GCSAML: variants seen among roughly 807,000 people sequenced by gnomAD.
GCSAML encodes germinal center-associated signaling and motility-like protein.
Under a neutral mutation model 13.0 loss-of-function variants are expected in GCSAML, and 9 were observed. That is an observed-to-expected ratio of 0.69 (90% CI 0.42 to 1.21). GCSAML has a LOEUF of 1.21. Among genes scored for constraint, GCSAML ranks in the 50% most tolerant of loss-of-function variants. The pLI, the probability that GCSAML is intolerant of heterozygous loss-of-function variation, is 0.00. For missense variants in GCSAML, 143 were observed against 153.4 expected (o/e 0.93, Z 0.36); for synonymous variants, 37 against 52.9 (o/e 0.70, Z 1.31).
chr1:247,532,875 G>C (rs900779348), intron 2 of GCSAML, among the ~76,000 whole-genome samples: 1 of 6,348 alleles, frequency 1.6e-4, no homozygotes, highest in Admixed American at 2.2e-3. Flanking sequence ...AAGACTGGGT[G>C]GGGGGTGTTC....
chr1:247,508,145 T>C (rs963674835), intron 1 of GCSAML, among the ~76,000 whole-genome samples: 2 of 152,226 alleles, frequency 1.3e-5, no homozygotes, highest in Non-Finnish European at 2.9e-5. Context: ...TGTAAAAGCA[T>C]TCCTATTTCT....
At chr1:247,562,308 G>A (rs1431979337) in intron 2 of GCSAML, among the ~76,000 whole-genome samples, 1 of 152,106 alleles carries the variant, frequency 6.6e-6, no homozygotes, top group African/African-American at 2.4e-5. Flanking sequence ...AAAGTATGGC[G>A]CTGGGAGTTC....
At chr1:247,531,822 C>T in intron 2 of GCSAML, 1 of 1,614,222 alleles carries the variant, frequency 6.2e-7, no homozygotes, top group Non-Finnish European at 8.5e-7. Context: ...CTTCTGCTGA[C>T]CTGATCTTCA....
chr1:247,562,732 C>T (rs943689328), intron 2 of GCSAML, among the ~76,000 whole-genome samples: 2 of 152,162 alleles, frequency 1.3e-5, no homozygotes, highest in African/African-American at 2.4e-5. Context: ...CTGGCAACCC[C>T]ATCTCCTCCC....
chr1:247,517,730 A>T (rs1666261938), intron 1 of GCSAML, among the ~76,000 whole-genome samples: 1 of 152,168 alleles, frequency 6.6e-6, no homozygotes, highest in South Asian at 2.1e-4. Context: ...GATAACCAGC[A>T]GGCAAGTGAG....
At chr1:247,562,266 C>G (rs1668158106) in intron 2 of GCSAML, among the ~76,000 whole-genome samples, 2 of 152,106 alleles carry the variant, frequency 1.3e-5, no homozygotes, top group Non-Finnish European at 2.9e-5. Flanking sequence ...CTGGGCATGA[C>G]TTTCTCAGGC....
chr1:247,571,452 C>T (rs1465668002), intron 4 of GCSAML, among the ~76,000 whole-genome samples: 2 of 152,096 alleles, frequency 1.3e-5, no homozygotes, highest in Non-Finnish European at 1.5e-5. Context: ...TTCTCCTTCA[C>T]TTATGAAGCT....
intron 2 of GCSAML, among the ~76,000 whole-genome samples, chr1:247,535,305 A>T (rs903587963): frequency 6.6e-6 from 1 of 152,158 alleles, no homozygotes; most frequent in Non-Finnish European, 1.5e-5. Flanking sequence ...ACAGAGCAAG[A>T]CCCTGTCTCA....
At chr1:247,558,297 G>T (rs1345059857) in intron 2 of GCSAML, among the ~76,000 whole-genome samples, 1 of 152,170 alleles carries the variant, frequency 6.6e-6, no homozygotes, top group Non-Finnish European at 1.5e-5. Context: ...ACATCTTCCT[G>T]AGTCAATTTT....
chr1:247,547,279 T>C (rs1037028065), upstream of GCSAML, among the ~76,000 whole-genome samples: 6 of 152,210 alleles, frequency 3.9e-5, no homozygotes, highest in African/African-American at 1.2e-4. Context: ...GCCATGGCCA[T>C]AATAATGGCA....
At position 247,563,136 on chromosome 1, in the gene GCSAML, T is replaced by C. The variant is rs561666149; in HGVS notation, c.90-454T>C. ...GTGCTGGGATCACAGGCATAAGCCA[T>C]CCCACCCGGCCACCACACTTATTAA... On this transcript the variant is annotated intron_variant, in intron 2 of 4. Transcript: ENST00000366488. Among the ~76,000 whole-genome samples the C allele has an allele frequency of 1.9e-4, 29 of 151,752 alleles. No individual in the cohort carries two copies. In the East Asian group the frequency reaches 2.7e-3, roughly 14 times the overall value.
intron 1 of GCSAML, among the ~76,000 whole-genome samples, chr1:247,552,902 C>G (rs188520143): frequency 6.6e-6 from 1 of 152,068 alleles, no homozygotes; most frequent in Non-Finnish European, 1.5e-5. Flanking sequence ...ACTACAGGCA[C>G]GCACCACCAT....
chr1:247,538,438 T>G (rs550127638), intron 2 of GCSAML, among the ~76,000 whole-genome samples: 1 of 152,338 alleles, frequency 6.6e-6, no homozygotes, highest in South Asian at 2.1e-4. Context: ...TACTACAGCT[T>G]CATTTGGATG....
intron 1 of GCSAML, among the ~76,000 whole-genome samples, chr1:247,510,621 T>C (rs1280860858): frequency 6.6e-6 from 1 of 152,224 alleles, no homozygotes; most frequent in East Asian, 1.9e-4. Flanking sequence ...TTTCCTGCTT[T>C]CTCCTGTGGG....
chr1:247,527,151 C>A lies in GCSAML; in HGVS notation c.-148+97C>A. 1 of 440,076 alleles carries A rather than the reference C, an allele frequency of 2.3e-6. No individual in the cohort carries two copies. The highest frequency in any genetic ancestry group is 4.6e-6 in the Non-Finnish European group (1 of 218,820). 27.3% of individuals were successfully genotyped at this position (440,076 alleles called of 1,614,324 possible). On this transcript the variant is annotated intron_variant, in intron 2 of 5. Transcript: ENST00000366489. This position sits in a 1 kb window ranked among gnomAD's most constrained non-coding sequence, Gnocchi z 4.6. ...GGGAGCAGTTGGGTGAGCACATGACCAATCAGCCTGAGCATTTAAGGCAGT... is the reference window on the plus strand; with the variant it reads ...GGGAGCAGTTGGGTGAGCACATGACAAATCAGCCTGAGCATTTAAGGCAGT...
chr1:247,556,588 T>A (rs1468763820), intron 2 of GCSAML, 122 bp downstream of exon 2: 2 of 633,436 alleles, frequency 3.2e-6, no homozygotes, highest in Non-Finnish European at 5.5e-6. Context: ...AATAGAGTTC[T>A]TTGGTGATTA....
chr1:247,540,054 C>G (rs1175409746), intron 2 of GCSAML, among the ~76,000 whole-genome samples: 1 of 152,084 alleles, frequency 6.6e-6, no homozygotes, highest in Non-Finnish European at 1.5e-5. Context: ...CTGCTGGTTC[C>G]TCTGCCTAGA....
At chr1:247,521,364 A>C (rs1666414177) in intron 1 of GCSAML, among the ~76,000 whole-genome samples, 4 of 27,392 alleles carry the variant, frequency 1.5e-4, no homozygotes, top group Non-Finnish European at 2.2e-4. Flanking sequence ...CTCCCTCTCC[A>C]CGGTCTCCCT....
chr1:247,531,399 G>A (rs1666944865), intron 2 of GCSAML: 1 of 733,332 alleles, frequency 1.4e-6, no homozygotes, highest in Non-Finnish European at 2.2e-6. Context: ...TTCTTGGTCT[G>A]GAAATGGCAT....
Sources: allele counts gnomAD v4.1 joint callset (sites outside exome capture counted in the v4.1 genomes callset), GRCh38; gene constraint gnomAD v4.1.1; non-coding constraint Gnocchi (gnomAD v3.1); transcripts MANE v1.5; gene names NCBI Gene and HGNC (gene_info 2026-07-23, HGNC 2026-07-21).